CCDC57: variants seen among roughly 807,000 people sequenced by gnomAD.
The protein encoded by CCDC57 is coiled-coil domain containing 57.
A neutral mutation model predicts 118.9 loss-of-function variants in CCDC57; 118 were observed. The observed-to-expected ratio is 0.99, with a 90% confidence interval of 0.86 to 1.16. The LOEUF is 1.16. CCDC57 is among the 50% of genes most tolerant of loss of function. The pLI, the probability that CCDC57 is intolerant of heterozygous loss-of-function variation, is 0.00. For synonymous variants in CCDC57, 527 were observed against 532.9 expected, an observed-to-expected ratio of 0.99 and a Z score of 0.15; for missense variants, 1,300 against 1,320.7, an observed-to-expected ratio of 0.98 and a Z score of 0.24.
In CCDC57 at chr17:82,126,719, A is replaced by G. The variant is rs904144645; in HGVS notation, c.2899+973T>C. The G allele has an allele frequency of 3.0e-6, 3 of 985,298 alleles. No homozygotes were observed. The African/African-American group carries it at 5.2e-5, about 17-fold the overall frequency. 61.0% of individuals were successfully genotyped at this position (985,298 alleles called of 1,614,324 possible). ...ACGTGGCACGCGGGCAGCCTTGACT[A>G]CGCAAGCCCCTGGGGCACGTACACG... is the stretch of plus-strand genomic sequence containing the variant. On this transcript the variant is annotated intron_variant, in intron 19 of 19. Coordinates refer to ENST00000665763, the Ensembl canonical transcript of CCDC57.
chr17:82,148,541 G>GTGGA (rs1192267506), intron 16 of CCDC57, among the ~76,000 whole-genome samples: 89 of 4,748 alleles, frequency 0.019, 3 homozygotes, highest in Non-Finnish European at 0.028. Context: ...GAATGGGTGG[G>GTGGA]TGGATGGATG....
At chr17:82,151,454 C>G in intron 16 of CCDC57, 106 bp downstream of exon 15, 1 of 993,504 alleles carries the variant, frequency 1.0e-6, no homozygotes, top group Non-Finnish European at 1.5e-6. Context: ...ACCTGGTGCA[C>G]CCCCAGAATC....
At chr17:82,144,181 G>A (rs576402504) in intron 16 of CCDC57, among the ~76,000 whole-genome samples, 92 of 152,124 alleles carry the variant, frequency 6.0e-4, no homozygotes, top group Non-Finnish European at 1.1e-3. Context: ...ATGATGGCAT[G>A]CATCTGTAGT....
chr17:82,166,373 A>G (rs1181266208), intron 13 of CCDC57, among the ~76,000 whole-genome samples: 3 of 149,700 alleles, frequency 2.0e-5, no homozygotes, highest in Non-Finnish European at 4.4e-5. Flanking sequence ...TTAGCTAGGC[A>G]TGGAGGTGGT....
chr17:82,123,982 C>CAAAAAAAAAAAAAAAAAAA (rs200031813), intron 19 of CCDC57, among the ~76,000 whole-genome samples: 8 of 64,266 alleles, frequency 1.2e-4, no homozygotes, highest in African/African-American at 1.2e-4. Context: ...CATCCAAAAG[C>CAAAAAAAAAAAAAAAAAAA]AAAAAAAAAA....
intron 16 of CCDC57, among the ~76,000 whole-genome samples, chr17:82,147,264 G>A (rs145748460): frequency 2.7e-4 from 38 of 140,688 alleles, no homozygotes; most frequent in Middle Eastern, 3.6e-3. Flanking sequence ...ATGAATGGAT[G>A]GGTGGATGCA....
intron 11 of CCDC57, among the ~76,000 whole-genome samples, chr17:82,177,695 G>A (rs1007563392): frequency 6.6e-5 from 10 of 152,308 alleles, no homozygotes; most frequent in African/African-American, 2.2e-4. Flanking sequence ...GAGAGAATGC[G>A]CACCAGTGGC....
At chr17:82,145,210 G>A (rs1240698386) in intron 16 of CCDC57, among the ~76,000 whole-genome samples, 2 of 102,184 alleles carry the variant, frequency 2.0e-5, no homozygotes, top group Admixed American at 2.4e-4. Flanking sequence ...TGTATTTTTA[G>A]TAGAGACGGG....
intron 17 of CCDC57, among the ~76,000 whole-genome samples, chr17:82,132,164 A>C (rs151162121): frequency 5.2e-4 from 79 of 151,734 alleles, no homozygotes; most frequent in African/African-American, 1.8e-3. Context: ...GATAGCCAAG[A>C]AAATTTTGTA....
At chr17:82,121,358 G>C (rs1372567431) in intron 19 of CCDC57, among the ~76,000 whole-genome samples, 1 of 152,212 alleles carries the variant, frequency 6.6e-6, no homozygotes, top group Non-Finnish European at 1.5e-5. Flanking sequence ...CCTGCCAAGA[G>C]GCCCCAGTGC....
Position 82,101,873 on chromosome 17 carries a change from G to A in CCDC57, c.2900-7C>T, listed in dbSNP as rs1330125496. On this transcript the variant is annotated splice_region_variant and splice_polypyrimidine_tract_variant and intron_variant, in intron 19 of 19. Transcript: ENST00000665763. ...GCTGGAGGAGCTGGGAGCTCTGTCA[G>A]GTAAAGAGGAAAAAACAGCATGCAT... is the stretch of plus-strand genomic sequence containing the variant. The A allele has an allele frequency of 6.4e-7, 1 of 1,562,508 alleles. No individual in the cohort carries two copies. The highest frequency in any genetic ancestry group is 8.6e-7 in the Non-Finnish European group (1 of 1,156,414).
In CCDC57 at chr17:82,163,114, C is replaced by T. The variant is rs940307297; in HGVS notation, c.2040+86G>A. 52 of 1,517,516 alleles carry T rather than the reference C, an allele frequency of 3.4e-5. No individual in the cohort carries two copies. In the African/African-American group the frequency reaches 4.5e-4, roughly 13 times the overall value. 94.0% of individuals were successfully genotyped at this position (1,517,516 alleles called of 1,614,324 possible). A position where few individuals can be genotyped will look rare whatever the true frequency, so the allele number is the denominator to read the frequency against. On this transcript the variant is annotated intron_variant, in intron 14 of 19. Coordinates refer to ENST00000665763, the Ensembl canonical transcript of CCDC57. Reference sequence around the variant, plus strand: ...GTGGATGCCCGAGGTCACCTGGGGTCGCACCGGGCAGCCGCTCAGAGCCCA... The same window carrying T: ...GTGGATGCCCGAGGTCACCTGGGGTTGCACCGGGCAGCCGCTCAGAGCCCA...
intron 19 of CCDC57, chr17:82,126,633 C>T: frequency 1.0e-6 from 1 of 985,368 alleles, no homozygotes; most frequent in Non-Finnish European, 1.2e-6. Flanking sequence ...GACTCTCAGA[C>T]ACTGCTGCTG....
At chr17:82,121,696 C>G (rs757648478) in intron 19 of CCDC57, among the ~76,000 whole-genome samples, 1 of 152,196 alleles carries the variant, frequency 6.6e-6, no homozygotes, top group African/African-American at 2.4e-5. Flanking sequence ...CTGAGGGCTC[C>G]GATGAGCTCC....
intron 15 of CCDC57, 174 bp downstream of exon 14, chr17:82,157,574 G>T: frequency 7.0e-7 from 1 of 1,435,014 alleles, no homozygotes; most frequent in South Asian, 1.5e-5. Context: ...AGAAGGCGGA[G>T]GAATGGGGAG....
chr17:82,205,762 A>G (rs893655655), intron 2 of CCDC57, among the ~76,000 whole-genome samples: 2 of 152,122 alleles, frequency 1.3e-5, no homozygotes, highest in African/African-American at 4.8e-5. Context: ...AAAAATCCAT[A>G]CAGCAAGTGA....
At chr17:82,201,477 G>A (rs2048985416) in intron 3 of CCDC57, 61 bp downstream of exon 2, 1 of 1,479,344 alleles carries the variant, frequency 6.8e-7, no homozygotes, top group East Asian at 2.5e-5. Context: ...CAGCGGAGCA[G>A]GAGGCATGTG....
intron 3 of CCDC57, among the ~76,000 whole-genome samples, chr17:82,198,928 G>C (rs1470796742): frequency 3.4e-5 from 5 of 148,982 alleles, no homozygotes; most frequent in Non-Finnish European, 7.4e-5. Context: ...GGGAGGTGGA[G>C]CTTGCAGTGA....
intron 7 of CCDC57, among the ~76,000 whole-genome samples, chr17:82,189,626 G>T (rs1030800246): frequency 1.3e-5 from 2 of 152,094 alleles, no homozygotes. Flanking sequence ...AAGGAGGGTG[G>T]ATCGCTTGAG....
Sources: gnomAD v4.1 joint callset for allele counts (sites outside exome capture counted in the v4.1 genomes callset) on GRCh38, gnomAD v4.1.1 for gene constraint, MANE v1.5 for transcripts, NCBI Gene and HGNC (gene_info 2026-07-23, HGNC 2026-07-21) for gene names.